Variants in DIAPH1 observed in about 807,000 individuals in gnomAD.
DIAPH1 encodes the protein diaphanous related formin 1.
A neutral mutation model predicts 140.7 loss-of-function variants in DIAPH1; 46 were observed. The observed-to-expected ratio is 0.33, with a 90% CI of 0.26 to 0.42. The LOEUF is 0.42. Among genes scored for constraint, DIAPH1 ranks in the 10% least tolerant of loss-of-function variants. The pLI is 1.00. For missense variants in DIAPH1, 1,310 were observed against 1,558.7 expected, an observed-to-expected ratio of 0.84 and a Z score of 2.69; for synonymous variants, 565 against 551.6, an observed-to-expected ratio of 1.02 and a Z score of -0.34.
intron 1 of DIAPH1, among the ~76,000 whole-genome samples, chr5:141,603,658 G>A (rs1277105978): frequency 6.6e-6 from 1 of 152,202 alleles, no homozygotes; most frequent in Non-Finnish European, 1.5e-5. Flanking sequence ...ACTTATAAAT[G>A]TAAAGCAACT....
At chr5:141,537,612 T>C (rs2099889249) in intron 18 of DIAPH1, among the ~76,000 whole-genome samples, 1 of 150,358 alleles carries the variant, frequency 6.7e-6, no homozygotes, top group African/African-American at 2.5e-5. Flanking sequence ...GGTTGACAGA[T>C]AAAAGACAAG....
intron 19 of DIAPH1, among the ~76,000 whole-genome samples, chr5:141,530,352 T>A (rs2099888025): frequency 6.6e-6 from 1 of 152,156 alleles, no homozygotes; most frequent in Admixed American, 6.6e-5. Context: ...CTCTAAACCA[T>A]CAGTTCATTT....
chr5:141,552,201 T>C (rs2099891798), intron 18 of DIAPH1, among the ~76,000 whole-genome samples: 1 of 152,038 alleles, frequency 6.6e-6, no homozygotes, highest in African/African-American at 2.4e-5. Context: ...TTGTTTTTTT[T>C]TTTTTAGAGT....
chr5:141,594,965 C>T (rs566552517), intron 1 of DIAPH1, among the ~76,000 whole-genome samples: 48 of 148,798 alleles, frequency 3.2e-4, no homozygotes, highest in Non-Finnish European at 5.3e-4. Context: ...CACTTGAAAC[C>T]GGGAAGCAGA....
chr5:141,558,598 CACTT>C (rs2099893017), intron 18 of DIAPH1: 1 of 152,268 alleles, frequency 6.6e-6, no homozygotes, highest in Non-Finnish European at 1.5e-5. Flanking sequence ...TAACCTCACT[CACTT>C]ACTCAGGACC....
At chr5:141,595,832 T>C (rs771150759) in intron 1 of DIAPH1, among the ~76,000 whole-genome samples, 2 of 152,200 alleles carry the variant, frequency 1.3e-5, no homozygotes, top group African/African-American at 2.4e-5. Context: ...GAAATCTCTA[T>C]ACCTTCATCT....
At chr5:141,581,181 C>T (rs2099896694) in intron 7 of DIAPH1, among the ~76,000 whole-genome samples, 1 of 152,100 alleles carries the variant, frequency 6.6e-6, no homozygotes, top group Non-Finnish European at 1.5e-5. Flanking sequence ...ACCATGTGAT[C>T]ACATAGGCAG....
intron 19 of DIAPH1, among the ~76,000 whole-genome samples, chr5:141,533,637 A>G (rs897884175): frequency 1.3e-5 from 2 of 152,220 alleles, no homozygotes; most frequent in African/African-American, 4.8e-5. Context: ...ACTTGAGGCC[A>G]GGAGCTTAAG....
In DIAPH1 at chr5:141,528,602, CTG is replaced by C; in HGVS notation, c.3019-22_3019-21del. 1 of 1,614,206 alleles carries C rather than the reference CTG, an allele frequency of 6.2e-7. No individual in the cohort carries two copies. On this transcript the variant is annotated intron_variant, in intron 22 of 27. Transcript: ENST00000389054. ...TCGAAGCTTAGAGAAAGAGGAGAAA[CTG>C]TTAAATCCTGACATGTCCAAGATGG...
chr5:141,535,558 A>G (rs2154595163), intron 18 of DIAPH1, among the ~76,000 whole-genome samples: 1 of 152,294 alleles, frequency 6.6e-6, no homozygotes, highest in Non-Finnish European at 1.5e-5. Flanking sequence ...GATATTTCTC[A>G]TCCCACCTAG....
chr5:141,590,829 T>C (rs1435403444), intron 1 of DIAPH1, among the ~76,000 whole-genome samples: 1 of 151,984 alleles, frequency 6.6e-6, no homozygotes, highest in African/African-American at 2.4e-5. Flanking sequence ...CCATGTCTAC[T>C]AGCACTACCT....
intron 7 of DIAPH1, among the ~76,000 whole-genome samples, chr5:141,581,672 C>G (rs2099896768): frequency 6.6e-6 from 1 of 152,040 alleles, no homozygotes; most frequent in African/African-American, 2.4e-5. Flanking sequence ...AATGGAGCAA[C>G]AGTCTAGAAG....
rs74567974 is a variant in DIAPH1 at position 141,534,229 on chromosome 5, T to A, written c.2581+106A>T. 1.0e-4 allele frequency: 89 copies of A among 887,962 alleles called. No individual in the cohort carries two copies. The African/African-American group carries it at 1.2e-3, about 12-fold the overall frequency. 55.0% of individuals were successfully genotyped at this position (887,962 alleles called of 1,614,324 possible). A position where few individuals can be genotyped will look rare whatever the true frequency, so the allele number is the denominator to read the frequency against. ...TGCAATGGTTGGTATATAGCAGGAATTGAACAATTAAAGTTCCATATCAAG... is the reference window on the plus strand; with the variant it reads ...TGCAATGGTTGGTATATAGCAGGAAATGAACAATTAAAGTTCCATATCAAG... On this transcript the variant is annotated intron_variant, in intron 19 of 27. Coordinates refer to ENST00000389054, the MANE Select transcript of DIAPH1 (RefSeq NM_005219.5).
rs1468098386 is a variant in DIAPH1 at position 141,528,950 on chromosome 5, G to T, written c.2779-9C>A. ...CGGGGCACAGTGCCCATCTAGTAAA[G>T]AACACAAGCAGTTCCATTACAGTCA... On this transcript the variant is annotated splice_polypyrimidine_tract_variant and intron_variant, in intron 21 of 27. Transcript: ENST00000389054. 1 of 1,613,544 alleles carries T rather than the reference G, an allele frequency of 6.2e-7. No individual in the cohort carries two copies. The highest frequency in any genetic ancestry group is 8.5e-7 in the Non-Finnish European group (1 of 1,180,048).
intron 27 of DIAPH1, among the ~76,000 whole-genome samples, chr5:141,523,607 T>C (rs1323871192): frequency 6.6e-6 from 1 of 151,968 alleles, no homozygotes; most frequent in Non-Finnish European, 1.5e-5. Context: ...AAGGAAAAGG[T>C]AGTTTTCAGA....
chr5:141,614,586 A>G (rs923212725), intron 1 of DIAPH1, among the ~76,000 whole-genome samples: 6 of 152,172 alleles, frequency 3.9e-5, no homozygotes, highest in African/African-American at 1.4e-4. Flanking sequence ...CAAGGCAGAG[A>G]TTTTAATTCT....
At chr5:141,532,636 G>A (rs1007531007) in intron 19 of DIAPH1, among the ~76,000 whole-genome samples, 4 of 152,188 alleles carry the variant, frequency 2.6e-5, no homozygotes, top group Admixed American at 6.5e-5. Flanking sequence ...AATCTGCACT[G>A]TTATCATCTG....
intron 18 of DIAPH1, among the ~76,000 whole-genome samples, chr5:141,553,597 C>T (rs979041705): frequency 1.3e-5 from 2 of 151,752 alleles, no homozygotes; most frequent in Non-Finnish European, 2.9e-5. Context: ...GAGCCAAGAT[C>T]ACACCACTGC....
At chr5:141,591,727 T>TATATATATA (rs2099898496) in intron 1 of DIAPH1, among the ~76,000 whole-genome samples, 1 of 137,062 alleles carries the variant, frequency 7.3e-6, no homozygotes, top group Non-Finnish European at 1.6e-5. Flanking sequence ...TATATATATA[T>TATATATATA]GAAGGAAGAT....
Sources: gnomAD v4.1 joint callset for allele counts (sites outside exome capture counted in the v4.1 genomes callset) on GRCh38, gnomAD v4.1.1 for gene constraint, MANE v1.5 for transcripts, NCBI Gene and HGNC (gene_info 2026-07-23, HGNC 2026-07-21) for gene names.